The following VPS35L variants were observed in gnomAD, a reference collection of about 807,000 sequenced individuals.
The protein encoded by VPS35L is VPS35 endosomal protein sorting factor like.
Under a neutral mutation model 133.0 loss-of-function variants are expected in VPS35L, and 83 were observed. The observed-to-expected ratio is 0.62, with a 90% confidence interval of 0.52 to 0.75. The LOEUF is 0.75. Ranked by LOEUF, VPS35L falls within the 30% of genes least tolerant of loss-of-function variation. The pLI, the probability that VPS35L is intolerant of heterozygous loss-of-function variation, is 0.00. For missense variants in VPS35L, 1,083 were observed against 1,206.8 expected (o/e 0.90, Z 1.52); for synonymous variants, 423 against 449.9 (o/e 0.94, Z 0.76).
At chr16:19,631,386 C>T (rs1312434047) in intron 18 of VPS35L, among the ~76,000 whole-genome samples, 1 of 152,136 alleles carries the variant, frequency 6.6e-6, no homozygotes, top group Admixed American at 6.5e-5. Flanking sequence ...TCACAACAGC[C>T]TTTGAGGAGG....
At chr16:19,632,106 T>C (rs1265537060) in intron 18 of VPS35L, among the ~76,000 whole-genome samples, 1 of 152,016 alleles carries the variant, frequency 6.6e-6, no homozygotes, top group Non-Finnish European at 1.5e-5. Flanking sequence ...GGACTACAGG[T>C]GTGTGTGACC....
chr16:19,651,128 C>T (rs918397296), intron 25 of VPS35L, among the ~76,000 whole-genome samples: 6 of 151,624 alleles, frequency 4.0e-5, no homozygotes, highest in African/African-American at 7.2e-5. Flanking sequence ...GTGATCTGCC[C>T]GCCTCGGCCT....
At chr16:19,632,971 G>A (rs1366022873) in intron 18 of VPS35L, 121 bp from the exon 19 acceptor site, 8 of 766,096 alleles carry the variant, frequency 1.0e-5, no homozygotes, top group Non-Finnish European at 1.6e-5. Flanking sequence ...GCAGAATACT[G>A]AAATTGATTT....
chr16:19,650,759 T>G (rs1031230073), intron 25 of VPS35L, among the ~76,000 whole-genome samples: 12 of 152,144 alleles, frequency 7.9e-5, no homozygotes, highest in Admixed American at 7.9e-4. Context: ...TATACTAATA[T>G]AAGACATATT....
intron 14 of VPS35L, among the ~76,000 whole-genome samples, chr16:19,623,766 T>TTTTTTATTA (rs1442235685): frequency 1.1e-4 from 14 of 126,852 alleles, no homozygotes; most frequent in African/African-American, 3.5e-4. Flanking sequence ...TACTTATTTA[T>TTTTTTATTA]TTATTATTAT....
chr16:19,653,367 T>G (rs747866440), intron 26 of VPS35L, among the ~76,000 whole-genome samples: 1 of 152,230 alleles, frequency 6.6e-6, no homozygotes, highest in African/African-American at 2.4e-5. Context: ...ATGGAGTGTT[T>G]GTTATGTGGC....
chr16:19,699,686 G>C lies in VPS35L; in HGVS notation c.2793+38G>C. ...GAGGGCCCCGTGGTATAAGCCCACT[G>C]GCCAGTGCACAACCACCCTCAACAC... On this transcript the variant is annotated intron_variant, in intron 30 of 30. Transcript: ENST00000417362. The surrounding 1 kb of genome is among the most constrained non-coding windows in gnomAD (Gnocchi z 4.2). 1.2e-6 allele frequency: 2 copies of C among 1,608,004 alleles called. No homozygotes were observed. Among genetic ancestry groups the C allele is most frequent in the Non-Finnish European group, 1.7e-6 (2 of 1,179,582 alleles).
chr16:19,601,562 T>C (rs1972384477), intron 8 of VPS35L, 102 bp from the exon 9 acceptor site: 1 of 1,168,516 alleles, frequency 8.6e-7, no homozygotes, highest in Non-Finnish European at 1.2e-6. Context: ...AGTTAAAGCC[T>C]GTCTGGGCGA....
At chr16:19,603,818 G>A (rs966336922) in intron 9 of VPS35L, among the ~76,000 whole-genome samples, 6 of 152,162 alleles carry the variant, frequency 3.9e-5, no homozygotes, top group Non-Finnish European at 5.9e-5. Context: ...TGCAACCTCC[G>A]CCTCCTGGGT....
chr16:19,614,672 A>G (rs57934424), intron 12 of VPS35L, among the ~76,000 whole-genome samples: 6,395 of 152,304 alleles, frequency 0.042, 477 homozygotes, highest in African/African-American at 0.15. Context: ...GGGCCTCCCA[A>G]AGTGCTGGGA....
intron 29 of VPS35L, among the ~76,000 whole-genome samples, chr16:19,695,488 C>T (rs1975873818): frequency 6.6e-6 from 1 of 152,134 alleles, no homozygotes; most frequent in Non-Finnish European, 1.5e-5. Context: ...GCGATGTTCA[C>T]TGAAAATGTC....
chr16:19,692,470 GAA>G (rs966633278), intron 29 of VPS35L, among the ~76,000 whole-genome samples: 8 of 152,202 alleles, frequency 5.3e-5, no homozygotes, highest in Non-Finnish European at 1.0e-4. Context: ...TGGCTGTGAT[GAA>G]ACAGCAGAGA....
chr16:19,650,257 A>G, intron 24 of VPS35L, 125 bp from the exon 25 acceptor site: 3 of 776,968 alleles, frequency 3.9e-6, no homozygotes, highest in East Asian at 2.5e-5. Flanking sequence ...AGTGCTAACC[A>G]GTCTTGGTCC....
At chr16:19,700,153 T>C (rs111425148) in intron 30 of VPS35L, among the ~76,000 whole-genome samples, 3,022 of 152,074 alleles carry the variant, frequency 0.02, 30 homozygotes, top group Middle Eastern at 0.044. Flanking sequence ...ATAGGAACCA[T>C]ACATACAAAA....
intron 3 of VPS35L, among the ~76,000 whole-genome samples, chr16:19,572,711 C>G (rs1396055974): frequency 6.6e-6 from 1 of 151,856 alleles, no homozygotes; most frequent in Non-Finnish European, 1.5e-5. Flanking sequence ...GAGATGGAGT[C>G]TTGCTCTGTC....
In VPS35L at chr16:19,674,184, C is replaced by CTTTTTTTTTTTTTTTT. The variant is rs201038834; in HGVS notation, c.2361+4895_2361+4910dup. On this transcript the variant is annotated intron_variant, in intron 27 of 30. Coordinates refer to ENST00000417362, the MANE Select transcript of VPS35L (RefSeq NM_020314.7). The stretch of plus-strand genomic sequence containing the variant: ...TACCTGGTTCAGTTTTTTTCTTTTT[C>CTTTTTTTTTTTTTTTT]TTTTTTTTTTTTTTTTTTTTTTTTT... 7.2e-4 allele frequency among the ~76,000 whole-genome samples: 51 copies of CTTTTTTTTTTTTTTTT among 70,900 alleles called. 1 individual carries two copies. The highest frequency in any genetic ancestry group is 1.2e-3 in the South Asian group (2 of 1,646). The allele number at this position is 70,900 out of a possible 152,430, so 46.5% of individuals were successfully genotyped here. A position where few individuals can be genotyped will look rare whatever the true frequency, so the allele number is the denominator to read the frequency against.
rs1976119985 is a variant in VPS35L at position 19,701,112 on chromosome 16, T to C, written c.*636T>C. 2 of 152,256 alleles carry C rather than the reference T, an allele frequency of 1.3e-5. No individual in the cohort carries two copies. The highest frequency in any genetic ancestry group is 4.8e-5 in the African/African-American group (2 of 41,458). The allele number at this position is 152,256 out of a possible 1,614,324, so 9.4% of individuals were successfully genotyped here. A position where few individuals can be genotyped will look rare whatever the true frequency, so the allele number is the denominator to read the frequency against. On this transcript the variant is annotated 3_prime_UTR_variant, in exon 31 of 31. Coordinates refer to ENST00000417362, the MANE Select transcript of VPS35L (RefSeq NM_020314.7). The stretch of plus-strand genomic sequence containing the variant: ...TCAGTATACAGTAACTGAATAAATG[T>C]CCTGAAGGAGCATTTATGTTCATGA...
chr16:19,669,164 T>A lies in VPS35L; in HGVS notation c.2226T>A (p.Asp742Glu). The change falls in exon 27 of 31, where the codon GAT becomes GAA. Residue 742 changes from aspartate (D) to glutamate (E), a missense_variant. Transcript: ENST00000417362. Reference protein sequence around the residue: ...ALANQCLSQADAFFKAAISLV... With the variant: ...ALANQCLSQAEAFFKAAISLV... The stretch of plus-strand genomic sequence containing the variant: ...CTTTTATCTTCTGTCTTGCAGCTGA[T>A]GCTTTTTTCAAAGCCGCTATAAGCC... The A allele has an allele frequency of 6.2e-7, 1 of 1,603,286 alleles. No individual in the cohort carries two copies. Among genetic ancestry groups the A allele is most frequent in the Non-Finnish European group, 8.5e-7 (1 of 1,172,622 alleles).
intron 24 of VPS35L, among the ~76,000 whole-genome samples, chr16:19,648,524 T>C (rs370773125): frequency 4.5e-4 from 69 of 152,176 alleles, no homozygotes; most frequent in Middle Eastern, 6.8e-3. Flanking sequence ...TCAGTAACTT[T>C]TTATGGTGCC....
Sources: allele counts gnomAD v4.1 joint callset (sites outside exome capture counted in the v4.1 genomes callset), GRCh38; gene constraint gnomAD v4.1.1; non-coding constraint Gnocchi (gnomAD v3.1); transcripts MANE v1.5; gene names NCBI Gene and HGNC (gene_info 2026-07-23, HGNC 2026-07-21).